Variants in BANK1 observed in about 807,000 individuals in gnomAD.
BANK1 encodes the protein B cell scaffold protein with ankyrin repeats 1.
In BANK1, 95 loss-of-function variants were observed where a neutral mutation model predicts 94.5. The ratio of observed to expected loss-of-function variants is 1.00; its 90% CI spans 0.85 to 1.19. The LOEUF is 1.19. BANK1 is among the 50% of genes most tolerant of loss of function. The pLI, the probability that BANK1 is intolerant of heterozygous loss-of-function variation, is 0.00. For synonymous variants in BANK1, 334 were observed against 308.4 expected, an observed-to-expected ratio of 1.08 and a Z score of -0.87; for missense variants, 987 against 932.2, an observed-to-expected ratio of 1.06 and a Z score of -0.77.
At chr4:101,927,770 G>C (rs1723212989) in intron 7 of BANK1, among the ~76,000 whole-genome samples, 1 of 151,630 alleles carries the variant, frequency 6.6e-6, no homozygotes, top group Non-Finnish European at 1.5e-5. Context: ...TGAAGAAATG[G>C]TTTGTTAAGA....
chr4:101,799,813 G>T (rs910985828), intron 1 of BANK1, among the ~76,000 whole-genome samples: 1 of 152,160 alleles, frequency 6.6e-6, no homozygotes, highest in African/African-American at 2.4e-5. Flanking sequence ...GGCGGAGCTT[G>T]CAGTGAGCTG....
At position 102,063,095 on chromosome 4, in the gene BANK1, A is replaced by C. The variant is rs1282853186; in HGVS notation, c.2169A>C (p.Arg723=). 1.2e-6 allele frequency: 2 copies of C among 1,613,864 alleles called. No homozygotes were observed. The highest frequency in any genetic ancestry group is 8.5e-7 in the Non-Finnish European group (1 of 1,179,788). ...MIQQEKLRQL[R]DCIIGKRPEE... is the part of the protein sequence containing the mutation. ...TTAAGGAGAAATTACGACAACTACGAGACTGCATTATTGGGAAAAGGCCAG... is the reference window on the plus strand; with the variant it reads ...TTAAGGAGAAATTACGACAACTACGCGACTGCATTATTGGGAAAAGGCCAG... Residue 723 remains arginine (R), a synonymous_variant, in exon 13 of 17, where the codon CGA becomes CGC. Coordinates refer to ENST00000322953, the MANE Select transcript of BANK1 (RefSeq NM_017935.5).
intron 1 of BANK1, among the ~76,000 whole-genome samples, chr4:101,799,829 G>T (rs946557469): frequency 6.6e-6 from 1 of 152,030 alleles, no homozygotes; most frequent in Non-Finnish European, 1.5e-5. Context: ...AGCTGAGATC[G>T]CACCACTGCA....
intron 7 of BANK1, among the ~76,000 whole-genome samples, chr4:102,020,133 A>G (rs1181317736): frequency 1.3e-5 from 2 of 152,142 alleles, no homozygotes; most frequent in Non-Finnish European, 2.9e-5. Context: ...GAATTTTTGC[A>G]TAATTCTCAA....
intron 7 of BANK1, among the ~76,000 whole-genome samples, chr4:101,967,210 G>A (rs1458410497): frequency 6.6e-6 from 1 of 152,036 alleles, no homozygotes; most frequent in East Asian, 1.9e-4. Flanking sequence ...TCTTTTGCAT[G>A]TGTCAACTAA....
chr4:101,896,989 C>A (rs1722104902), intron 6 of BANK1, among the ~76,000 whole-genome samples: 1 of 151,866 alleles, frequency 6.6e-6, no homozygotes, highest in African/African-American at 2.4e-5. Flanking sequence ...CCAATGTATA[C>A]TTAATTGAAT....
chr4:101,965,246 G>A (rs986924305), intron 7 of BANK1, among the ~76,000 whole-genome samples: 1 of 151,066 alleles, frequency 6.6e-6, no homozygotes, highest in Admixed American at 6.6e-5. Context: ...AAGAATTTTC[G>A]ATCTGAAATG....
intron 10 of BANK1, among the ~76,000 whole-genome samples, chr4:102,039,632 T>C (rs1468788147): frequency 6.6e-6 from 1 of 152,086 alleles, no homozygotes; most frequent in Non-Finnish European, 1.5e-5. Context: ...TATCCCCTCT[T>C]ATCAGTAAGC....
intron 7 of BANK1, among the ~76,000 whole-genome samples, chr4:102,006,468 A>T (rs1726264949): frequency 6.6e-6 from 1 of 151,994 alleles, no homozygotes; most frequent in African/African-American, 2.4e-5. Context: ...ACACTATCTG[A>T]TGCTGTTCCT....
At chr4:102,052,606 A>AAAT (rs1728090149) in intron 11 of BANK1, among the ~76,000 whole-genome samples, 1 of 151,702 alleles carries the variant, frequency 6.6e-6, no homozygotes, top group East Asian at 2.0e-4. Context: ...AAATAATGGG[A>AAAT]AATACACACA....
intron 7 of BANK1, among the ~76,000 whole-genome samples, chr4:101,995,732 A>G (rs1412739851): frequency 6.6e-6 from 1 of 152,154 alleles, no homozygotes; most frequent in African/African-American, 2.4e-5. Context: ...TTTTGGCCAC[A>G]TAAATGTCTT....
At chr4:101,872,566 G>A (rs1429315429) in intron 5 of BANK1, among the ~76,000 whole-genome samples, 2 of 152,168 alleles carry the variant, frequency 1.3e-5, no homozygotes, top group East Asian at 3.8e-4. Context: ...CAGAGGCATT[G>A]CCATGGTGTA....
intron 7 of BANK1, among the ~76,000 whole-genome samples, chr4:101,973,602 A>G (rs546757427): frequency 9.2e-5 from 14 of 152,008 alleles, no homozygotes; most frequent in Admixed American, 2.6e-4. Flanking sequence ...GAAATGCTAA[A>G]TTTTCCTCTA....
intron 7 of BANK1, among the ~76,000 whole-genome samples, chr4:101,932,349 A>T (rs887262946): frequency 6.6e-6 from 1 of 151,578 alleles, no homozygotes. Context: ...ATATGCCTAT[A>T]TATGTTTGTG....
intron 7 of BANK1, among the ~76,000 whole-genome samples, chr4:101,978,996 ACACAT>A (rs1725234262): frequency 2.0e-5 from 3 of 152,068 alleles, no homozygotes; most frequent in Non-Finnish European, 4.4e-5. Flanking sequence ...ATTTGGAATA[ACACAT>A]GACTTTTGCA....
intron 2 of BANK1, among the ~76,000 whole-genome samples, chr4:101,852,471 T>G (rs1437514449): frequency 4.0e-5 from 1 of 25,114 alleles, no homozygotes; most frequent in African/African-American, 1.6e-4. Flanking sequence ...ATTTTTCGGC[T>G]ATATATATAT....
At chr4:101,853,714 A>T (rs925270653) in intron 2 of BANK1, among the ~76,000 whole-genome samples, 2 of 152,130 alleles carry the variant, frequency 1.3e-5, no homozygotes, top group African/African-American at 4.8e-5. Flanking sequence ...TAACGGACCA[A>T]CTTTTCTGGT....
chr4:101,963,054 C>T (rs1724625759), intron 7 of BANK1, among the ~76,000 whole-genome samples: 1 of 152,064 alleles, frequency 6.6e-6, no homozygotes, highest in African/African-American at 2.4e-5. Flanking sequence ...TGTGTCCCAA[C>T]ATATATGATG....
At chr4:101,929,126 T>C (rs1245978953) in intron 7 of BANK1, among the ~76,000 whole-genome samples, 1 of 151,700 alleles carries the variant, frequency 6.6e-6, no homozygotes, top group African/African-American at 2.4e-5. Context: ...TTCAACCTGA[T>C]GTCCATACAA....
Sources: allele counts gnomAD v4.1 joint callset (sites outside exome capture counted in the v4.1 genomes callset), GRCh38; gene constraint gnomAD v4.1.1; transcripts MANE v1.5; gene names NCBI Gene and HGNC (gene_info 2026-07-23, HGNC 2026-07-21).